Variants in ACAD10 observed in about 807,000 individuals in gnomAD.
ACAD10 encodes ACAD-10.
In ACAD10, 112 loss-of-function variants were observed where a neutral mutation model predicts 116.8. The observed-to-expected ratio is 0.96, with a 90% CI of 0.82 to 1.12. The LOEUF is 1.12. Among genes scored for constraint, ACAD10 ranks in the 50% most tolerant of loss-of-function variants. The pLI is 0.00. For synonymous variants in ACAD10, 486 were observed against 510.6 expected (o/e 0.95, Z 0.65); for missense variants, 1,259 against 1,350.2 (o/e 0.93, Z 1.06).
At chr12:111,724,075 C>T (rs549680074) in intron 8 of ACAD10, among the ~76,000 whole-genome samples, 66 of 145,596 alleles carry the variant, frequency 4.5e-4, no homozygotes, top group African/African-American at 1.5e-3. Context: ...TGATGGCGGC[C>T]GGGAAGAGGT....
In ACAD10 at chr12:111,737,339, C is replaced by T. The variant is rs145471322; in HGVS notation, c.1714+335C>T. Among the ~76,000 whole-genome samples the T allele has an allele frequency of 1.9e-3, 291 of 152,130 alleles. 1 individual carries two copies. The highest frequency in any genetic ancestry group is 0.01 in the Middle Eastern group (3 of 294). On this transcript the variant is annotated intron_variant, in intron 12 of 20. Transcript: ENST00000313698. ...CTGGGACTACAGGCCTGCGCCACCACGCCTGGCTAATTTTTTTTTGTATTT... is the reference window on the plus strand; with the variant it reads ...CTGGGACTACAGGCCTGCGCCACCATGCCTGGCTAATTTTTTTTTGTATTT...
intron 7 of ACAD10, among the ~76,000 whole-genome samples, chr12:111,716,216 C>CA (rs1250608337): frequency 2.0e-5 from 3 of 151,474 alleles, no homozygotes; most frequent in Non-Finnish European, 2.9e-5. Context: ...CATCCCCCCC[C>CA]AAAAAAAAGC....
chr12:111,747,295 G>T lies in ACAD10; in HGVS notation c.2395G>T (p.Val799Phe). 6.2e-7 allele frequency: 1 copy of T among 1,614,132 alleles called. No homozygotes were observed. Among genetic ancestry groups the T allele is most frequent in the Non-Finnish European group, 8.5e-7 (1 of 1,180,006 alleles). Residue 799 changes from valine (V) to phenylalanine (F), a missense_variant and splice_region_variant, in exon 16 of 21, where the codon GTT becomes TTT. Coordinates refer to ENST00000313698, the MANE Select transcript of ACAD10 (RefSeq NM_025247.6). ...RSCFAMTEPQVASSDATNIEA... is the reference protein window; with the variant it reads ...RSCFAMTEPQFASSDATNIEA... ...TGACTGGAATATGCTCCCCACTCAG[G>T]TTGCCTCTTCAGATGCCACCAACAT...
chr12:111,711,750 G>A (rs576813748), intron 5 of ACAD10, among the ~76,000 whole-genome samples: 104 of 152,032 alleles, frequency 6.8e-4, no homozygotes, highest in Non-Finnish European at 1.1e-3. Flanking sequence ...CTGGCCTCGT[G>A]ATCCACCCGC....
intron 3 of ACAD10, 123 bp from the exon 4 acceptor site, chr12:111,705,615 A>C: frequency 1.2e-6 from 1 of 851,240 alleles, no homozygotes; most frequent in Non-Finnish European, 1.8e-6. Context: ...GCAAGCTATG[A>C]GCCTGGGCTC....
rs768590769 is a variant in ACAD10 at position 111,712,559 on chromosome 12, T to C, written c.752T>C (p.Val251Ala). The C allele has an allele frequency of 2.0e-5, 32 of 1,613,810 alleles. No individual in the cohort carries two copies. The highest frequency in any genetic ancestry group is 2.7e-5 in the Non-Finnish European group (32 of 1,179,936). The change falls in exon 6 of 21, where the codon GTA (valine) becomes GCA (alanine). Residue 251 changes from valine to alanine, a missense_variant. Val to Ala is a moderately conservative substitution (Grantham distance 64). Transcript: ENST00000313698. The part of the protein sequence containing the change: ...LEALLGFTLR[V>A]GVPNTRPVKK... ...GCTCTCTTGGGTTTTACATTGAGAG[T>C]AGGTGTTCCAAACACTCGGCCTGTG...
chr12:111,747,118 A>G lies in ACAD10; in HGVS notation c.2326A>G (p.Lys776Glu). The G allele has an allele frequency of 6.2e-7, 1 of 1,613,430 alleles. No individual in the cohort carries two copies. Among genetic ancestry groups the G allele is most frequent in the South Asian group, 1.1e-5 (1 of 90,988 alleles). The change falls in exon 15 of 21, where the codon AAG (lysine) becomes GAG (glutamate). Residue 776 changes from lysine (K) to glutamate (E), a missense_variant. Lys to Glu is a moderately conservative substitution (Grantham distance 56). Transcript: ENST00000313698. ...GGTGAGGTATGGCACCGAAGCGCAG[A>G]AGGCTCGCTGGCTGATTCCTCTGCT... ...LLVRYGTEAQ[K>E]ARWLIPLLEG...
At position 111,709,620 on chromosome 12, in the gene ACAD10, TCTTTCTTGATGAC is replaced by T. The variant is rs1888612261; in HGVS notation, c.630_642del (p.Phe210LeufsTer5). ...CTCGGCCTGCAGCCCTCTGAGTCCA[TCTTTCTTGATGAC>T]CTTGGAACAAATCTAAAAGAAGCTG... On this transcript the variant is annotated frameshift_variant, in exon 5 of 21. Coordinates refer to ENST00000313698, the MANE Select transcript of ACAD10 (RefSeq NM_025247.6). LOFTEE classifies it high-confidence loss of function. 1 of 1,613,938 alleles carries T rather than the reference TCTTTCTTGATGAC, an allele frequency of 6.2e-7. No homozygotes were observed. The highest frequency in any genetic ancestry group is 8.5e-7 in the Non-Finnish European group (1 of 1,180,010).
intron 19 of ACAD10, among the ~76,000 whole-genome samples, chr12:111,754,507 CTCTT>C (rs1890155247): frequency 6.6e-6 from 1 of 152,128 alleles, no homozygotes; most frequent in South Asian, 2.1e-4. Context: ...CTAACTAAGG[CTCTT>C]TCTAAGTGCC....
intron 8 of ACAD10, among the ~76,000 whole-genome samples, chr12:111,725,635 A>G (rs1792240759): frequency 6.6e-6 from 1 of 152,104 alleles, no homozygotes; most frequent in South Asian, 2.1e-4. Context: ...CCTGGATTCA[A>G]GCAGTTCTCC....
At chr12:111,711,626 A>C (rs1433464869) in intron 5 of ACAD10, among the ~76,000 whole-genome samples, 1 of 132,878 alleles carries the variant, frequency 7.5e-6, no homozygotes, top group Non-Finnish European at 1.6e-5. Flanking sequence ...CTGGGTTCGC[A>C]CCATTCTCCT....
chr12:111,736,880 G>A lies in ACAD10; in HGVS notation c.1590G>A (p.Glu530=), dbSNP rs1422630985. Residue 530 remains glutamate, a synonymous_variant, in exon 12 of 21, where the codon GAG becomes GAA. Coordinates refer to ENST00000313698, the MANE Select transcript of ACAD10 (RefSeq NM_025247.6). ...AGCTGGGAATCCCTGCTGCAGAGGA[G>A]TATTTCAGGATGTACTGTCTCCAAA... is the stretch of plus-strand genomic sequence containing the variant. ...LTQLGIPAAE[E]YFRMYCLQMG... is the part of the protein sequence containing the mutation. The A allele has an allele frequency of 4.3e-6, 7 of 1,614,184 alleles. No individual in the cohort carries two copies. Among genetic ancestry groups the A allele is most frequent in the Non-Finnish European group, 5.1e-6 (6 of 1,180,020 alleles).
At chr12:111,700,668 C>G (rs995589758) in intron 2 of ACAD10, among the ~76,000 whole-genome samples, 3 of 151,208 alleles carry the variant, frequency 2.0e-5, no homozygotes, top group African/African-American at 7.3e-5. Flanking sequence ...GGACATATAC[C>G]AGATTGTTAA....
At chr12:111,699,752 TC>T (rs1593017001) in intron 2 of ACAD10, among the ~76,000 whole-genome samples, 1 of 151,028 alleles carries the variant, frequency 6.6e-6, no homozygotes, top group East Asian at 2.0e-4. Context: ...GATCCCCATT[TC>T]TACAAAAAAT....
At chr12:111,753,325 G>A (rs1890122511) in intron 18 of ACAD10, 1 of 364,948 alleles carries the variant, frequency 2.7e-6, no homozygotes, top group Non-Finnish European at 5.4e-6. Context: ...TCCCATTGGA[G>A]CTGCAGGGCA....
chr12:111,733,249 T>TA (rs900014637), intron 10 of ACAD10, among the ~76,000 whole-genome samples: 2 of 152,154 alleles, frequency 1.3e-5, no homozygotes, highest in Non-Finnish European at 2.9e-5. Context: ...AGGCGTGCAC[T>TA]ACCACGCTCA....
intron 8 of ACAD10, among the ~76,000 whole-genome samples, chr12:111,727,699 A>G (rs1889256926): frequency 6.6e-6 from 1 of 152,178 alleles, no homozygotes; most frequent in African/African-American, 2.4e-5. Context: ...CAAGAAGCAT[A>G]GATGGGTGTG....
chr12:111,753,985 A>C (rs1890142222), intron 19 of ACAD10, 70 bp downstream of exon 19: 1 of 1,503,836 alleles, frequency 6.6e-7, no homozygotes, highest in African/African-American at 1.4e-5. Context: ...AAAGCATGAG[A>C]GCCTGGCTTC....
rs757517475 is a variant in ACAD10, at chr12:111,705,915, C to G, written c.514C>G (p.Arg172Gly). 6 of 1,613,878 alleles carry G rather than the reference C, an allele frequency of 3.7e-6. No homozygotes were observed. ...PNQKSFLPLDRKQFDVIVESC... is the reference protein window; with the variant it reads ...PNQKSFLPLDGKQFDVIVESC... ...CCAGAAAAGCTTTTTGCCCCTGGAC[C>G]GGAAACAGTTTGATGTGGTAAGCTT... Residue 172 changes from arginine to glycine, a missense_variant, in exon 4 of 21, where the codon CGG becomes GGG. Transcript: ENST00000313698.
Sources: allele counts gnomAD v4.1 joint callset (sites outside exome capture counted in the v4.1 genomes callset), GRCh38; gene constraint gnomAD v4.1.1; transcripts MANE v1.5; gene names NCBI Gene and HGNC (gene_info 2026-07-23, HGNC 2026-07-21).